C2orf42: variants seen among roughly 807,000 people sequenced by gnomAD.
C2orf42 encodes uncharacterized protein C2orf42.
A neutral mutation model predicts 58.9 loss-of-function variants in C2orf42; 44 were observed. The ratio of observed to expected loss-of-function variants is 0.75; its 90% CI spans 0.59 to 0.96. The LOEUF is 0.96. C2orf42 is among the 40% of genes least tolerant of loss of function. The pLI is 0.00. For missense variants in C2orf42, 630 were observed against 699.2 expected, an observed-to-expected ratio of 0.90 and a Z score of 1.12; for synonymous variants, 239 against 265.4, an observed-to-expected ratio of 0.90 and a Z score of 0.97.
chr2:70,165,339 A>C (rs1314745947), intron 7 of C2orf42, 147 bp from the exon 8 acceptor site: 5 of 643,302 alleles, frequency 7.8e-6, no homozygotes, highest in Admixed American at 5.9e-5. Context: ...CAAATATATA[A>C]AAGGTTTTGG....
intron 5 of C2orf42, among the ~76,000 whole-genome samples, chr2:70,170,230 C>T (rs1454412649): frequency 1.3e-5 from 2 of 148,150 alleles, no homozygotes; most frequent in Non-Finnish European, 3.0e-5. Flanking sequence ...AGCAAATAAA[C>T]TAAGTGAAAT....
Position 70,160,007 on chromosome 2 carries a change from A to G in C2orf42, c.1516+618T>C, listed in dbSNP as rs1672952751. On this transcript the variant is annotated intron_variant, in intron 9 of 9. Transcript: ENST00000264434. ...TTCACAAGAATTTGACAGAATAATTATAAATTCTAAATTTCTTCTGGAAGA... is the reference window on the plus strand; with the variant it reads ...TTCACAAGAATTTGACAGAATAATTGTAAATTCTAAATTTCTTCTGGAAGA... Among the ~76,000 whole-genome samples the G allele has an allele frequency of 2.6e-5, 4 of 152,360 alleles. No individual in the cohort carries two copies. The South Asian group carries it at 8.3e-4, about 32-fold the overall frequency.
rs775312225 is a variant in C2orf42, at chr2:70,169,591, T to C, written c.1110A>G (p.Glu370=). 1.2e-6 allele frequency: 2 copies of C among 1,607,280 alleles called. No individual in the cohort carries two copies. Among genetic ancestry groups the C allele is most frequent in the Non-Finnish European group, 1.7e-6 (2 of 1,173,884 alleles). ...SFQDWLASVT[E]RIHQTMHYQF... ...GATAGTGCATGGTTTGATGGATGCGTTCTGTGACACTGGCCAGCCAGTCTT... is the reference window on the plus strand; with the variant it reads ...GATAGTGCATGGTTTGATGGATGCGCTCTGTGACACTGGCCAGCCAGTCTT... The change falls in exon 6 of 10, where the codon GAA becomes GAG. Residue 370 remains glutamate (E), a synonymous_variant. Coordinates refer to ENST00000264434, the MANE Select transcript of C2orf42 (RefSeq NM_017880.3).
rs764041308 is a variant in C2orf42, at chr2:70,169,603, GGCCA to G, written c.1094_1097del (p.Leu365ProfsTer40). 1 of 1,611,182 alleles carries G rather than the reference GGCCA, an allele frequency of 6.2e-7. No homozygotes were observed. The highest frequency in any genetic ancestry group is 1.1e-5 in the South Asian group (1 of 91,006). ...TTTGATGGATGCGTTCTGTGACACT[GGCCA>G]GCCAGTCTTGGAAGGATAAAGTCAC... On this transcript the variant is annotated frameshift_variant, in exon 6 of 10. Coordinates refer to ENST00000264434, the MANE Select transcript of C2orf42 (RefSeq NM_017880.3). LOFTEE classifies it high-confidence loss of function.
chr2:70,150,557 A>C lies in C2orf42; in HGVS notation c.1524T>G (p.Thr508=), dbSNP rs763766440. 6.2e-7 allele frequency: 1 copy of C among 1,612,260 alleles called. No homozygotes were observed. Among genetic ancestry groups the C allele is most frequent in the East Asian group, 2.2e-5 (1 of 44,888 alleles). ...GTGTTGGCTCCTTTTGATCTGGGGA[A>C]GTGTTGCCTAAAGAGAAGAAAGGAG... The part of the protein sequence containing the change: ...ELKTFLKVGN[T]SPDQKEPTPF... Residue 508 remains threonine (T), a synonymous_variant, in exon 10 of 10, where the codon ACT becomes ACG. Coordinates refer to ENST00000264434, the MANE Select transcript of C2orf42 (RefSeq NM_017880.3).
In C2orf42 at chr2:70,179,542, A is replaced by T. The variant is rs1674409180; in HGVS notation, c.924T>A (p.Asp308Glu). 2 of 1,448,980 alleles carry T rather than the reference A, an allele frequency of 1.4e-6. No homozygotes were observed. Among genetic ancestry groups the T allele is most frequent in the Non-Finnish European group, 1.9e-6 (2 of 1,033,092 alleles). 89.8% of individuals were successfully genotyped at this position (1,448,980 alleles called of 1,614,324 possible). A position where few individuals can be genotyped will look rare whatever the true frequency, so the allele number is the denominator to read the frequency against. ...CAACCAGACTCTTACCAGATACTTC[A>T]TCCTTTCTCCTCTTCTTTGACTTAG... ...TASKSKKRRKDEVSGAQMNSS... is the reference protein window; with the variant it reads ...TASKSKKRRKEEVSGAQMNSS... The change falls in exon 4 of 10, where the codon GAT (aspartate) becomes GAA (glutamate). Residue 308 changes from aspartate to glutamate, a missense_variant. Transcript: ENST00000264434.
Position 70,169,672 on chromosome 2 carries a change from A to G in C2orf42, c.1040-11T>C, listed in dbSNP as rs72902406. 1.0e-3 allele frequency: 1,401 copies of G among 1,367,034 alleles called. 12 individuals are homozygous for G. In the African/African-American group the frequency reaches 0.018, roughly 17 times the overall value. The allele number at this position is 1,367,034 out of a possible 1,614,324, so 84.7% of individuals were successfully genotyped here. Reference sequence around the variant, plus strand: ...ACAGCTGACCACAGGCTAGGGAAAAAAAAACCACACATACACACTTCTTTA... The same window carrying G: ...ACAGCTGACCACAGGCTAGGGAAAAGAAAACCACACATACACACTTCTTTA... On this transcript the variant is annotated splice_polypyrimidine_tract_variant and intron_variant, in intron 5 of 9. Transcript: ENST00000264434.
rs1312649449 is a variant in C2orf42, at chr2:70,150,265, A to G, written c.*91T>C. 5 of 1,037,498 alleles carry G rather than the reference A, an allele frequency of 4.8e-6. No homozygotes were observed. In the East Asian group the frequency reaches 9.5e-5, roughly 20 times the overall value. 64.3% of individuals were successfully genotyped at this position (1,037,498 alleles called of 1,614,324 possible). On this transcript the variant is annotated 3_prime_UTR_variant, in exon 10 of 10. Transcript: ENST00000264434. ...AGCTAAGAGCAGTTTACCAAGGAACAGGGCCATCTAAGTGCCTAACTAGCA... is the reference window on the plus strand; with the variant it reads ...AGCTAAGAGCAGTTTACCAAGGAACGGGGCCATCTAAGTGCCTAACTAGCA...
intron 4 of C2orf42, among the ~76,000 whole-genome samples, chr2:70,178,781 A>G (rs552514332): frequency 2.0e-5 from 3 of 152,024 alleles, no homozygotes. Flanking sequence ...CTAAAAATAT[A>G]AAAATTAACT....
At chr2:70,168,659 A>AT (rs1342077849) in intron 6 of C2orf42, among the ~76,000 whole-genome samples, 2 of 151,276 alleles carry the variant, frequency 1.3e-5, no homozygotes, top group Non-Finnish European at 2.9e-5. Context: ...CCATGAGACT[A>AT]TAACAAATAA....
rs138985502 is a variant in C2orf42 at position 70,178,499 on chromosome 2, C to T, written c.934+1033G>A. Among the ~76,000 whole-genome samples, 34 of 152,080 alleles carry T rather than the reference C, an allele frequency of 2.2e-4. No homozygotes were observed. The East Asian group carries it at 6.6e-3, about 29-fold the overall frequency. On this transcript the variant is annotated intron_variant, in intron 4 of 9. Transcript: ENST00000264434. ...GTGGGTGCCTGTAATCCCAGCTACT[C>T]AAGAGGCTGAGGCAGAAGAATTGCT...
At chr2:70,171,559 A>G (rs1308370633) in intron 5 of C2orf42, among the ~76,000 whole-genome samples, 1 of 151,930 alleles carries the variant, frequency 6.6e-6, no homozygotes, top group Admixed American at 6.6e-5. Flanking sequence ...TGCCCAGGCT[A>G]GAGTGCAGTG....
intron 8 of C2orf42, among the ~76,000 whole-genome samples, chr2:70,164,157 G>T (rs994596214): frequency 9.9e-5 from 15 of 151,916 alleles, no homozygotes; most frequent in Non-Finnish European, 1.9e-4. Flanking sequence ...ACAAAAATTA[G>T]CTGGGCATGG....
chr2:70,151,908 C>CT (rs1386957824), intron 9 of C2orf42, among the ~76,000 whole-genome samples: 1 of 151,910 alleles, frequency 6.6e-6, no homozygotes, highest in Non-Finnish European at 1.5e-5. Flanking sequence ...TTCCAAGTAG[C>CT]TGGGACTACA....
chr2:70,179,644 T>A lies in C2orf42; in HGVS notation c.824-2A>T. On this transcript the variant is annotated splice_acceptor_variant, in intron 3 of 9. Coordinates refer to ENST00000264434, the MANE Select transcript of C2orf42 (RefSeq NM_017880.3). LOFTEE classifies it high-confidence loss of function. Reference sequence around the variant, plus strand: ...GGGGTACAATAATCTCTTTAAGACCTAAAAAAAAGAAGATTTCTGAATTAT... The same window carrying A: ...GGGGTACAATAATCTCTTTAAGACCAAAAAAAAAGAAGATTTCTGAATTAT... 8.1e-7 allele frequency: 1 copy of A among 1,236,336 alleles called. No individual in the cohort carries two copies. The highest frequency in any genetic ancestry group is 1.2e-6 in the Non-Finnish European group (1 of 843,964). 76.6% of individuals were successfully genotyped at this position (1,236,336 alleles called of 1,614,324 possible).
At chr2:70,168,411 C>G (rs565224095) in intron 6 of C2orf42, among the ~76,000 whole-genome samples, 4 of 150,846 alleles carry the variant, frequency 2.7e-5, no homozygotes, top group African/African-American at 9.7e-5. Context: ...CCTCAGCCTC[C>G]CGAGTAGCTG....
At chr2:70,153,211 A>G (rs555844954) in intron 9 of C2orf42, among the ~76,000 whole-genome samples, 2 of 152,126 alleles carry the variant, frequency 1.3e-5, no homozygotes, top group Admixed American at 1.3e-4. Flanking sequence ...GGAGGCAGAG[A>G]TGGTCAGGAG....
chr2:70,160,757 G>A lies in C2orf42; in HGVS notation c.1384C>T (p.Gln462Ter). 6.2e-7 allele frequency: 1 copy of A among 1,608,256 alleles called. No individual in the cohort carries two copies. The highest frequency in any genetic ancestry group is 8.5e-7 in the Non-Finnish European group (1 of 1,178,058). ...MPLEITRSFI[Q>*]NRDGTYELFK... is the part of the protein sequence containing the mutation. ...AGCTCATAAGTCCCATCTCGGTTCT[G>A]GATAAAGCTACGGGTGATTTCCAAG... The change falls in exon 9 of 10, where the codon CAG (glutamine) becomes TAG (stop). Residue 462 changes from glutamine to a stop codon, truncating the protein, a stop_gained. Transcript: ENST00000264434. LOFTEE classifies it high-confidence loss of function.
intron 5 of C2orf42, 88 bp downstream of exon 5, chr2:70,175,585 G>T: frequency 2.5e-6 from 2 of 811,308 alleles, no homozygotes; most frequent in South Asian, 1.4e-5. Context: ...GGGACTCTTT[G>T]GGTGACAATG....
Sources: gnomAD v4.1 joint callset for allele counts (sites outside exome capture counted in the v4.1 genomes callset) on GRCh38, gnomAD v4.1.1 for gene constraint, MANE v1.5 for transcripts, NCBI Gene and HGNC (gene_info 2026-07-23, HGNC 2026-07-21) for gene names.